Variants in FAAP20 observed in about 807,000 individuals in gnomAD.
The protein encoded by FAAP20 is Fanconi anemia core complex-associated protein 20.
A neutral mutation model predicts 16.2 loss-of-function variants in FAAP20; 12 were observed. That is an observed-to-expected ratio of 0.74 (90% CI 0.48 to 1.20). FAAP20 has a LOEUF of 1.20. Ranked by LOEUF, FAAP20 falls within the 50% of genes most tolerant of loss-of-function variation. FAAP20 has a pLI of 0.00. For missense variants in FAAP20, 288 were observed against 245.8 expected, an observed-to-expected ratio of 1.17 and a Z score of -1.15; for synonymous variants, 141 against 110.7, an observed-to-expected ratio of 1.27 and a Z score of -1.72.
Position 2,194,288 on chromosome 1 carries a change from GGGCT to G in FAAP20, c.63-159_63-156del. On this transcript the variant is annotated intron_variant, in intron 1 of 3. Coordinates refer to ENST00000378546, the MANE Select transcript of FAAP20 (RefSeq NM_182533.4). ...GAGGTGGCCGGCAGGGTTGGGGGAA[GGGCT>G]GCTGGGGCAGACAGTGCGGAGATGA... 5.7e-6 allele frequency: 5 copies of G among 876,310 alleles called. No individual in the cohort carries two copies. The South Asian group carries it at 8.8e-5, about 15-fold the overall frequency. The allele number at this position is 876,310 out of a possible 1,614,324, so 54.3% of individuals were successfully genotyped here.
At chr1:2,187,327 C>CA (rs1687715975), downstream of FAAP20, 1 of 373,736 alleles carries the variant, frequency 2.7e-6, no homozygotes, top group African/African-American at 2.2e-5. Context: ...TTTTTTGAGA[C>CA]AGAGTATTAC....
rs751671504 is a variant in FAAP20 at position 2,189,705 on chromosome 1, G to A, written c.*4C>T. 6.2e-7 allele frequency: 1 copy of A among 1,608,900 alleles called. No homozygotes were observed. The highest frequency in any genetic ancestry group is 1.1e-5 in the South Asian group (1 of 91,064). On this transcript the variant is annotated 3_prime_UTR_variant, in exon 4 of 4. Coordinates refer to ENST00000378546, the MANE Select transcript of FAAP20 (RefSeq NM_182533.4). ...GCACTCTGCGCAGGGCTCTTGGATG[G>A]CGCTCACCACGTCACGTCTTCTGTG...
upstream of FAAP20, among the ~76,000 whole-genome samples, chr1:2,201,410 T>C (rs1689043031): frequency 6.6e-6 from 1 of 152,146 alleles, no homozygotes; most frequent in African/African-American, 2.4e-5. Flanking sequence ...TCTGGTAGAA[T>C]TGCTGACTTT....
downstream of FAAP20, among the ~76,000 whole-genome samples, chr1:2,188,735 G>A (rs1687824459): frequency 6.6e-6 from 1 of 152,208 alleles, no homozygotes; most frequent in Non-Finnish European, 1.5e-5. Context: ...GTGGAGCGCG[G>A]TGGCTCACGC....
chr1:2,187,910 G>A (rs1401358915), downstream of FAAP20, among the ~76,000 whole-genome samples: 1 of 152,146 alleles, frequency 6.6e-6, no homozygotes, highest in Non-Finnish European at 1.5e-5. Context: ...CCTGTGCTCC[G>A]CCTGTGCCTT....
At chr1:2,212,114 A>C (rs1049221986), downstream of FAAP20, 4 of 151,388 alleles carry the variant, frequency 2.6e-5, no homozygotes, top group African/African-American at 7.3e-5. Context: ...TCACCGTGTT[A>C]GCCAGGTTGG....
At chr1:2,198,108 T>C (rs1172446406), upstream of FAAP20, 4 of 1,291,208 alleles carry the variant, frequency 3.1e-6, no homozygotes, top group Admixed American at 9.2e-5. Context: ...CTCCACTTCT[T>C]CGGAGCCATC....
At chr1:2,195,126 C>T (rs1376024819), upstream of FAAP20, among the ~76,000 whole-genome samples, 1 of 152,222 alleles carries the variant, frequency 6.6e-6, no homozygotes, top group Non-Finnish European at 1.5e-5. Context: ...GCGGAGCCGC[C>T]TCTCCTCCCA....
At chr1:2,191,837 G>A in intron 3 of FAAP20, 1 of 985,362 alleles carries the variant, frequency 1.0e-6, no homozygotes, top group Non-Finnish European at 1.2e-6. Flanking sequence ...CCCCTCACCA[G>A]GTGCCCAGCT....
At chr1:2,196,629 C>T (rs991809216), upstream of FAAP20, among the ~76,000 whole-genome samples, 7 of 151,874 alleles carry the variant, frequency 4.6e-5, no homozygotes, top group African/African-American at 1.5e-4. This position sits in a 1 kb window ranked among gnomAD's most constrained non-coding sequence, Gnocchi z 4.5. Context: ...CACTTGAGGC[C>T]AGGAGTTTGA....
intron 3 of FAAP20, chr1:2,192,173 GA>G: frequency 2.0e-6 from 2 of 985,790 alleles, no homozygotes; most frequent in Non-Finnish European, 2.4e-6. Context: ...GTGCGGTCAG[GA>G]GTCCCAGGGC....
upstream of FAAP20, chr1:2,194,923 C>T: frequency 1.9e-6 from 1 of 533,456 alleles, no homozygotes. Flanking sequence ...AGGGTTCCTT[C>T]GTCCTGCACC....
chr1:2,198,000 A>C (rs1186828469), upstream of FAAP20: 6 of 1,287,534 alleles, frequency 4.7e-6, no homozygotes, highest in African/African-American at 4.6e-5. Context: ...ACCTCCAACA[A>C]ACATACCTTG....
At chr1:2,202,291 C>T (rs1230387212), upstream of FAAP20, among the ~76,000 whole-genome samples, 1 of 152,134 alleles carries the variant, frequency 6.6e-6, no homozygotes, top group Admixed American at 6.5e-5. Context: ...ATATGTGCCA[C>T]CGGACCCCAT....
chr1:2,209,164 A>C (rs1318642545), downstream of FAAP20, among the ~76,000 whole-genome samples: 1 of 149,354 alleles, frequency 6.7e-6, no homozygotes, highest in Admixed American at 6.7e-5. Flanking sequence ...CTCTCTTACC[A>C]CTCCGTCCCC....
At chr1:2,201,311 T>C, upstream of FAAP20, 7 of 1,047,270 alleles carry the variant, frequency 6.7e-6, no homozygotes, top group Non-Finnish European at 8.3e-6. Flanking sequence ...GCGACCTCTG[T>C]AGGCTCGAAG....
chr1:2,205,803 C>A (rs1689237753), intron 3 of FAAP20, among the ~76,000 whole-genome samples: 1 of 152,268 alleles, frequency 6.6e-6, no homozygotes, highest in Non-Finnish European at 1.5e-5. Context: ...CCCTCCGCCA[C>A]TGTGCCCAGA....
At chr1:2,210,791 T>C (rs2100769861), downstream of FAAP20, among the ~76,000 whole-genome samples, 1 of 152,362 alleles carries the variant, frequency 6.6e-6, no homozygotes, top group Middle Eastern at 3.4e-3. Context: ...TGGTCACCAG[T>C]GGCCATCCAG....
chr1:2,191,865 A>G (rs945873065), intron 3 of FAAP20: 1 of 985,494 alleles, frequency 1.0e-6, no homozygotes, highest in Non-Finnish European at 1.2e-6. Context: ...CACCCACGTG[A>G]CCCGCAGGTG....
Sources: gnomAD v4.1 joint callset for allele counts (sites outside exome capture counted in the v4.1 genomes callset) on GRCh38, gnomAD v4.1.1 for gene constraint, Gnocchi (gnomAD v3.1) non-coding constraint, MANE v1.5 for transcripts, NCBI Gene and HGNC (gene_info 2026-07-23, HGNC 2026-07-21) for gene names.